The following ITGA8 variants were observed in gnomAD, a reference collection of about 807,000 sequenced individuals.
ITGA8 encodes integrin alpha-8.
ITGA8 carries 91 observed loss-of-function variants against 142.3 expected under a neutral mutation model. The observed-to-expected ratio is 0.64, with a 90% CI of 0.54 to 0.76. The LOEUF is 0.76. Ranked by LOEUF, ITGA8 falls within the 30% of genes least tolerant of loss-of-function variation. The pLI, the probability that ITGA8 is intolerant of heterozygous loss-of-function variation, is 0.00. For synonymous variants in ITGA8, 505 were observed against 485.2 expected (o/e 1.04, Z -0.54); for missense variants, 1,406 against 1,327.7 (o/e 1.06, Z -0.92).
intron 8 of ITGA8, among the ~76,000 whole-genome samples, chr10:15,665,902 C>G (rs1588708867): frequency 6.6e-6 from 1 of 152,288 alleles, no homozygotes; most frequent in Admixed American, 6.5e-5. Flanking sequence ...CAGTACCATG[C>G]TGTTTTGGTT....
chr10:15,585,160 A>G (rs1256989758), intron 23 of ITGA8, among the ~76,000 whole-genome samples: 2 of 152,228 alleles, frequency 1.3e-5, no homozygotes, highest in East Asian at 3.9e-4. Flanking sequence ...AATGGAAAAA[A>G]ATTAGAAACA....
chr10:15,620,302 T>C lies in ITGA8; in HGVS notation c.1400-3743A>G, dbSNP rs915021259. ...AGTTTTGCATGTATACTTGAAGGTG[T>C]TGAGATACACACACACACACACACA... On this transcript the variant is annotated intron_variant, in intron 13 of 29. Coordinates refer to ENST00000378076, the MANE Select transcript of ITGA8 (RefSeq NM_003638.3). 7.9e-4 allele frequency among the ~76,000 whole-genome samples: 50 copies of C among 63,406 alleles called. 1 individual carries two copies. The highest frequency in any genetic ancestry group is 2.3e-3 in the Admixed American group (10 of 4,418). 41.6% of individuals were successfully genotyped at this position (63,406 alleles called of 152,430 possible).
Position 15,531,093 on chromosome 10 carries a change from GGCA to G in ITGA8, c.2936_2938del (p.Met979_Pro980delinsThr). 1 of 1,586,502 alleles carries G rather than the reference GGCA, an allele frequency of 6.3e-7. No individual in the cohort carries two copies. Among genetic ancestry groups the G allele is most frequent in the East Asian group, 2.3e-5 (1 of 43,672 alleles). On this transcript the variant is annotated inframe_deletion, in exon 28 of 30. Transcript: ENST00000378076. Reference sequence around the variant, plus strand: ...GAGTTTTGCTGGCTGATCTGTATAAGGCATCTTCTTAACTTCAAAGGACACCAG... The same window carrying G: ...GAGTTTTGCTGGCTGATCTGTATAAGTCTTCTTAACTTCAAAGGACACCAG...
chr10:15,704,942 T>C (rs995191254), intron 2 of ITGA8, among the ~76,000 whole-genome samples: 3 of 152,184 alleles, frequency 2.0e-5, no homozygotes, highest in African/African-American at 4.8e-5. Context: ...CCAAAAGATA[T>C]AGTAAAGGGT....
At chr10:15,714,620 A>C (rs140611008) in intron 2 of ITGA8, among the ~76,000 whole-genome samples, 1 of 152,162 alleles carries the variant, frequency 6.6e-6, no homozygotes, top group South Asian at 2.1e-4. Context: ...AGCTTCCTCT[A>C]TTTTTGTATT....
chr10:15,548,335 C>T (rs1193367825), intron 27 of ITGA8, 120 bp downstream of exon 27: 1 of 680,482 alleles, frequency 1.5e-6, no homozygotes, highest in African/African-American at 1.9e-5. Flanking sequence ...TCAAGTAATC[C>T]ATCTGCCTCG....
chr10:15,549,269 G>T (rs1441043969), intron 26 of ITGA8, among the ~76,000 whole-genome samples: 1 of 137,704 alleles, frequency 7.3e-6, no homozygotes, highest in East Asian at 2.3e-4. Flanking sequence ...GGAGTGCAAT[G>T]GTGTGACCTC....
intron 20 of ITGA8, among the ~76,000 whole-genome samples, chr10:15,599,382 A>G (rs1235094178): frequency 6.6e-6 from 1 of 152,080 alleles, no homozygotes; most frequent in Non-Finnish European, 1.5e-5. Flanking sequence ...CCCACTATTT[A>G]CCAGGCCTGA....
Position 15,517,171 on chromosome 10 carries a change from G to T in ITGA8, c.3179C>A (p.Thr1060Asn), listed in dbSNP as rs1832978061. The T allele has an allele frequency of 1.2e-6, 2 of 1,612,564 alleles. No individual in the cohort carries two copies. The highest frequency in any genetic ancestry group is 1.7e-6 in the Non-Finnish European group (2 of 1,179,018). ...TTTTTTTTCTTGTCATGCCTCAGGG[G>T]TCTTGTCATTTGTCAGCTGTTCCCT... ...TDREQLTNDK[T>N]PEA Residue 1060 changes from threonine (T) to asparagine (N), a missense_variant, in exon 30 of 30, where the codon ACC becomes AAC. Physicochemically the swap from Thr to Asn is moderately conservative, Grantham distance 65 (BLOSUM62 0). Transcript: ENST00000378076.
chr10:15,656,864 A>T (rs1013499320), intron 10 of ITGA8, among the ~76,000 whole-genome samples: 1 of 152,206 alleles, frequency 6.6e-6, no homozygotes, highest in Non-Finnish European at 1.5e-5. Context: ...TAGAAAGCAC[A>T]CGCCCCAGGA....
At chr10:15,647,664 T>G (rs972972402) in intron 11 of ITGA8, among the ~76,000 whole-genome samples, 1 of 151,006 alleles carries the variant, frequency 6.6e-6, no homozygotes, top group Non-Finnish European at 1.5e-5. Flanking sequence ...GGGTTTCACC[T>G]TGTTAGCCAG....
At chr10:15,620,161 T>C (rs1333412471) in intron 13 of ITGA8, among the ~76,000 whole-genome samples, 2 of 152,244 alleles carry the variant, frequency 1.3e-5, no homozygotes, top group Admixed American at 6.5e-5. Flanking sequence ...ACTTCATAAA[T>C]GCCTGATTAA....
chr10:15,597,140 C>T, intron 21 of ITGA8, 67 bp downstream of exon 21: 3 of 1,276,726 alleles, frequency 2.3e-6, no homozygotes, highest in Non-Finnish European at 3.4e-6. Context: ...AACTGGAGAG[C>T]TTTCCATTTG....
intron 20 of ITGA8, among the ~76,000 whole-genome samples, chr10:15,600,781 C>T (rs1244440493): frequency 6.6e-6 from 1 of 152,130 alleles, no homozygotes; most frequent in Non-Finnish European, 1.5e-5. Flanking sequence ...ATCATGGCAG[C>T]CTGGATGAAG....
chr10:15,675,339 C>T (rs1439129633), intron 6 of ITGA8, among the ~76,000 whole-genome samples: 1 of 152,166 alleles, frequency 6.6e-6, no homozygotes, highest in Non-Finnish European at 1.5e-5. Context: ...GTGAGCGGCA[C>T]CCACCTACAG....
At chr10:15,568,900 G>A (rs1188055601) in intron 25 of ITGA8, among the ~76,000 whole-genome samples, 1 of 152,238 alleles carries the variant, frequency 6.6e-6, no homozygotes, top group Admixed American at 6.5e-5. Context: ...TAGGAAGTAT[G>A]TGGGAACTTG....
chr10:15,617,263 A>T (rs1159808846), intron 13 of ITGA8, among the ~76,000 whole-genome samples: 17 of 152,204 alleles, frequency 1.1e-4, no homozygotes. Flanking sequence ...AGAAGGCTAA[A>T]CTGTAAATTT....
chr10:15,616,370 G>C (rs1833391437), intron 14 of ITGA8, 144 bp downstream of exon 14: 1 of 675,658 alleles, frequency 1.5e-6, no homozygotes, highest in South Asian at 1.8e-5. Context: ...GAAAGAGTGA[G>C]AGCAAAAAAT....
At chr10:15,647,127 A>G (rs1833996790) in intron 11 of ITGA8, 76 bp from the exon 12 acceptor site, 4 of 1,079,696 alleles carry the variant, frequency 3.7e-6, no homozygotes, top group Non-Finnish European at 5.6e-6. Flanking sequence ...AATCAACTAG[A>G]CTAGTAAATT....
Sources: gnomAD v4.1 joint callset for allele counts (sites outside exome capture counted in the v4.1 genomes callset) on GRCh38, gnomAD v4.1.1 for gene constraint, MANE v1.5 for transcripts, NCBI Gene and HGNC (gene_info 2026-07-23, HGNC 2026-07-21) for gene names.